Variants in CHEK2 observed in about 807,000 individuals in gnomAD.
CHEK2 encodes the protein serine/threonine-protein kinase Chk2.
Under a neutral mutation model 69.1 loss-of-function variants are expected in CHEK2, and 71 were observed. The ratio of observed to expected loss-of-function variants is 1.03; its 90% CI spans 0.85 to 1.25. The LOEUF (loss-of-function observed/expected upper bound fraction) is 1.25. Among genes scored for constraint, CHEK2 ranks in the 50% most tolerant of loss-of-function variants. The probability of loss-of-function intolerance (pLI) is 0.00; values close to 1 mark genes in which losing one functional copy is unlikely to be tolerated. For missense variants in CHEK2, 664 were observed against 649.6 expected, an observed-to-expected ratio of 1.02 and a Z score of -0.24; for synonymous variants, 189 against 226.9, an observed-to-expected ratio of 0.83 and a Z score of 1.50.
Position 28,696,193 on chromosome 22 carries a change from C to T in CHEK2, c.1096-320G>A, listed in dbSNP as rs17507045. Among the ~76,000 whole-genome samples the T allele has an allele frequency of 0.081, 12,293 of 152,078 alleles. 608 individuals carry two copies. Among genetic ancestry groups the T allele is most frequent in the Admixed American group, 0.15 (2,263 of 15,254 alleles). ...AATTAGTTCTACATGGTTCTTAGAC[C>T]CCAGTGTCTCAAACTTGGCTGCGCT... On this transcript the variant is annotated intron_variant, in intron 10 of 14. Coordinates refer to ENST00000404276, the MANE Select transcript of CHEK2 (RefSeq NM_007194.4).
chr22:28,731,335 G>A (rs757597936), intron 2 of CHEK2, among the ~76,000 whole-genome samples: 17 of 151,976 alleles, frequency 1.1e-4, no homozygotes, highest in Admixed American at 2.0e-4. Context: ...GTGGTGGCTC[G>A]CGCCTGTAAT....
chr22:28,701,954 A>ACT, intron 8 of CHEK2, among the ~76,000 whole-genome samples: 1 of 145,782 alleles, frequency 6.9e-6, no homozygotes, highest in Non-Finnish European at 1.5e-5. Flanking sequence ...CCCATATACT[A>ACT]TTTTTTTTTT....
intron 1 of CHEK2, among the ~76,000 whole-genome samples, chr22:28,739,849 CTCTA>C (rs1485915739): frequency 6.6e-6 from 1 of 152,092 alleles, no homozygotes; most frequent in African/African-American, 2.4e-5. Context: ...TAGAAAAAGG[CTCTA>C]TCTTATATTT....
Position 28,734,634 on chromosome 22 carries a change from C to T in CHEK2, c.88G>A (p.Gly30Ser), listed in dbSNP as rs1555932749. ...ATGCCCTGGGACTGTGAGGAGGAGC[C>T]TTGGGACTGGGTAACGCTGCCATGG... ...QPHGSVTQSQ[G>S]SSSQSQGISS... The change falls in exon 2 of 15, where the codon GGC becomes AGC. Residue 30 changes from glycine (G) to serine (S), a missense_variant. By Grantham distance (56) the Gly-to-Ser change is moderately conservative (BLOSUM62 0). Coordinates refer to ENST00000404276, the MANE Select transcript of CHEK2 (RefSeq NM_007194.4). 1.2e-6 allele frequency: 2 copies of T among 1,613,832 alleles called. No individual in the cohort carries two copies. Among genetic ancestry groups the T allele is most frequent in the Middle Eastern group, 1.6e-4 (1 of 6,062 alleles).
chr22:28,725,615 C>T (rs781132217), intron 2 of CHEK2, among the ~76,000 whole-genome samples: 9 of 152,156 alleles, frequency 5.9e-5, no homozygotes, highest in Non-Finnish European at 8.8e-5. Context: ...AATCTCAGCC[C>T]TTTGGAAGGC....
chr22:28,693,177 C>G (rs1569108860), intron 13 of CHEK2, among the ~76,000 whole-genome samples: 2 of 152,126 alleles, frequency 1.3e-5, no homozygotes, highest in Admixed American at 1.3e-4. Context: ...TCAGAAAAAC[C>G]TGCCCAATGC....
chr22:28,702,135 C>CTGTGTGTGTGTGTG (rs141703411), intron 8 of CHEK2, among the ~76,000 whole-genome samples: 3,939 of 140,328 alleles, frequency 0.028, 85 homozygotes, highest in East Asian at 0.051. Context: ...GTGTGTGTGT[C>CTGTGTGTGTGTGTG]TGTGTGTGTG....
intron 4 of CHEK2, among the ~76,000 whole-genome samples, chr22:28,724,412 AAAAAC>A (rs973975433): frequency 5.3e-5 from 8 of 152,114 alleles, no homozygotes; most frequent in Non-Finnish European, 8.8e-5. Flanking sequence ...CCGTCTAAAA[AAAAAC>A]AAAACAAAAC....
chr22:28,741,831 C>G, upstream of CHEK2: 1 of 564,254 alleles, frequency 1.8e-6, no homozygotes, highest in Non-Finnish European at 3.2e-6. Flanking sequence ...GGCGCTAAAC[C>G]TGCAGATACA....
intron 9 of CHEK2, among the ~76,000 whole-genome samples, chr22:28,697,352 T>C (rs1421928219): frequency 6.6e-6 from 1 of 152,146 alleles, no homozygotes; most frequent in East Asian, 1.9e-4. Context: ...CAAAATGATA[T>C]ATTTGGTTAT....
At chr22:28,735,415 A>T (rs1399337166) in intron 1 of CHEK2, among the ~76,000 whole-genome samples, 1 of 151,690 alleles carries the variant, frequency 6.6e-6, no homozygotes, top group Admixed American at 6.6e-5. Context: ...CAAAAAAAAA[A>T]ACTCATATAT....
At chr22:28,734,284 T>C in intron 2 of CHEK2, 119 bp downstream of exon 2, 1 of 895,280 alleles carries the variant, frequency 1.1e-6, no homozygotes, top group Non-Finnish European at 1.8e-6. Context: ...GATGTTCAAT[T>C]ATTTGTTCAA....
chr22:28,734,021 G>GA (rs1395623178), intron 2 of CHEK2, among the ~76,000 whole-genome samples: 29 of 152,074 alleles, frequency 1.9e-4, no homozygotes, highest in South Asian at 1.2e-3. Flanking sequence ...TTTGCATAAG[G>GA]CGTCAATCCA....
At position 28,723,810 on chromosome 22, in the gene CHEK2, G is replaced by A. The variant is rs17883286; in HGVS notation, c.592+1167C>T. Among the ~76,000 whole-genome samples the A allele has an allele frequency of 6.1e-3, 921 of 151,926 alleles. 6 individuals carry two copies. Among genetic ancestry groups the A allele is most frequent in the Non-Finnish European group, 9.7e-3 (661 of 67,962 alleles). ...CAAAAATACAAAAAATTAGCCAGGCGTGGTGGCATGTGTCTGTGGTCACAG... is the reference window on the plus strand; with the variant it reads ...CAAAAATACAAAAAATTAGCCAGGCATGGTGGCATGTGTCTGTGGTCACAG... On this transcript the variant is annotated intron_variant, in intron 4 of 14. Transcript: ENST00000404276.
chr22:28,689,343 A>G, intron 13 of CHEK2, 128 bp from the exon 14 acceptor site: 1 of 762,134 alleles, frequency 1.3e-6, no homozygotes, highest in South Asian at 1.4e-5. Context: ...CCCTTGATGA[A>G]GCTCCCACAG....
chr22:28,727,293 G>A (rs543772399), intron 2 of CHEK2, among the ~76,000 whole-genome samples: 6 of 152,176 alleles, frequency 3.9e-5, no homozygotes, highest in African/African-American at 9.6e-5. Flanking sequence ...CGCCCGCCTC[G>A]GCCTCCCAAA....
intron 4 of CHEK2, among the ~76,000 whole-genome samples, chr22:28,722,531 C>T (rs1362283965): frequency 8.6e-6 from 1 of 115,956 alleles, no homozygotes; most frequent in African/African-American, 3.4e-5. Flanking sequence ...TAGAGCCAGA[C>T]TCCGTCTCAA....
chr22:28,724,223 C>T (rs375287904), intron 4 of CHEK2, among the ~76,000 whole-genome samples: 1 of 151,892 alleles, frequency 6.6e-6, no homozygotes, highest in Non-Finnish European at 1.5e-5. Flanking sequence ...CTGGCCAACA[C>T]AGTGAAACCC....
intron 14 of CHEK2, among the ~76,000 whole-genome samples, chr22:28,688,660 C>T (rs1251783494): frequency 6.6e-6 from 1 of 151,226 alleles, no homozygotes; most frequent in East Asian, 1.9e-4. Flanking sequence ...CAAACCAAGA[C>T]TCTGTCTCAA....
Sources: allele counts gnomAD v4.1 joint callset (sites outside exome capture counted in the v4.1 genomes callset), GRCh38; gene constraint gnomAD v4.1.1; transcripts MANE v1.5; gene names NCBI Gene and HGNC (gene_info 2026-07-23, HGNC 2026-07-21).